Variants in AGPAT5 observed in about 807,000 individuals in gnomAD.
AGPAT5 encodes the protein 1-acyl-sn-glycerol-3-phosphate acyltransferase epsilon.
Under a neutral mutation model 45.6 loss-of-function variants are expected in AGPAT5, and 46 were observed. That is an observed-to-expected ratio of 1.01 (90% CI 0.80 to 1.29). The LOEUF (loss-of-function observed/expected upper bound fraction) is 1.29. AGPAT5 is among the 50% of genes most tolerant of loss of function. The probability of loss-of-function intolerance (pLI) is 0.00; values close to 1 mark genes in which losing one functional copy is unlikely to be tolerated. For synonymous variants in AGPAT5, 272 were observed against 167.0 expected, an observed-to-expected ratio of 1.63 and a Z score of -4.85; for missense variants, 673 against 450.7, an observed-to-expected ratio of 1.49 and a Z score of -4.47.
intron 1 of AGPAT5, among the ~76,000 whole-genome samples, chr8:6,714,560 A>G (rs1264811332): frequency 6.6e-6 from 1 of 152,230 alleles, no homozygotes; most frequent in Non-Finnish European, 1.5e-5. Context: ...TTTTAAAATC[A>G]CAGATGCAAT....
rs989891142 is a variant in AGPAT5, at chr8:6,760,688, A to AT, written c.*3306dup. On this transcript the variant is annotated 3_prime_UTR_variant, in exon 8 of 8. Coordinates refer to ENST00000285518, the MANE Select transcript of AGPAT5 (RefSeq NM_018361.5). ...TTGCATGGCTTGCTTTATAAACAAG[A>AT]TTTTTTCTCCCTCCTTTTGGGCCAG... Among the ~76,000 whole-genome samples, 6 of 152,102 alleles carry AT rather than the reference A, an allele frequency of 3.9e-5. No individual in the cohort carries two copies. Among genetic ancestry groups the AT allele is most frequent in the Admixed American group, 6.5e-5 (1 of 15,278 alleles).
At position 6,738,122 on chromosome 8, in the gene AGPAT5, T is replaced by C. The variant is rs150803421; in HGVS notation, c.496-3539T>C. 2.7e-3 allele frequency among the ~76,000 whole-genome samples: 408 copies of C among 152,374 alleles called. 2 individuals are homozygous for C. Among genetic ancestry groups the C allele is most frequent in the African/African-American group, 9.4e-3 (389 of 41,600 alleles). ...TAATTCTCTTTAAGAACTTTTCCTTTGCATCCGCAACTTGGCTGTTTAGTG... is the reference window on the plus strand; with the variant it reads ...TAATTCTCTTTAAGAACTTTTCCTTCGCATCCGCAACTTGGCTGTTTAGTG... On this transcript the variant is annotated intron_variant, in intron 4 of 7. Coordinates refer to ENST00000285518, the MANE Select transcript of AGPAT5 (RefSeq NM_018361.5).
At chr8:6,743,487 G>T (rs1314603946) in intron 5 of AGPAT5, among the ~76,000 whole-genome samples, 6 of 152,114 alleles carry the variant, frequency 3.9e-5, no homozygotes, top group African/African-American at 9.7e-5. Context: ...CCATCATTCA[G>T]TTTTTTTGCC....
Position 6,741,305 on chromosome 8 carries a change from G to A in AGPAT5, c.496-356G>A, listed in dbSNP as rs534536438. Among the ~76,000 whole-genome samples the A allele has an allele frequency of 6.6e-5, 10 of 152,106 alleles. No homozygotes were observed. The East Asian group carries it at 1.5e-3, about 23-fold the overall frequency. On this transcript the variant is annotated intron_variant, in intron 4 of 7. Coordinates refer to ENST00000285518, the MANE Select transcript of AGPAT5 (RefSeq NM_018361.5). ...TAAAATTTGTATTTCTAAAAATGAC[G>A]TATTACAGGATCTGAAAGGGCAAAA...
At chr8:6,737,151 A>T (rs1026292503) in intron 4 of AGPAT5, among the ~76,000 whole-genome samples, 1 of 152,188 alleles carries the variant, frequency 6.6e-6, no homozygotes, top group Non-Finnish European at 1.5e-5. Flanking sequence ...CGCAGTGTGG[A>T]TAACAGACTG....
At chr8:6,713,078 G>C (rs554383010) in intron 1 of AGPAT5, among the ~76,000 whole-genome samples, 45 of 152,150 alleles carry the variant, frequency 3.0e-4, no homozygotes, top group Non-Finnish European at 6.2e-4. Context: ...TTGCAGCCTT[G>C]AATGCCTGGG....
intron 3 of AGPAT5, among the ~76,000 whole-genome samples, chr8:6,731,109 G>A (rs1800847244): frequency 2.0e-5 from 3 of 152,152 alleles, no homozygotes; most frequent in Admixed American, 2.0e-4. Flanking sequence ...CAATCTGCCT[G>A]TCTCAGCCTA....
At chr8:6,726,528 T>C (rs1800692236) in intron 2 of AGPAT5, among the ~76,000 whole-genome samples, 1 of 152,236 alleles carries the variant, frequency 6.6e-6, no homozygotes, top group Admixed American at 6.5e-5. Flanking sequence ...GTGTTGCTGA[T>C]AGTGATAATA....
intron 1 of AGPAT5, among the ~76,000 whole-genome samples, chr8:6,716,463 A>G (rs1199598389): frequency 2.0e-5 from 3 of 152,020 alleles, no homozygotes; most frequent in African/African-American, 7.3e-5. Flanking sequence ...CAGGAGGCTG[A>G]GGTGGGAGAA....
At chr8:6,725,650 C>T (rs1410936605) in intron 2 of AGPAT5, among the ~76,000 whole-genome samples, 2 of 152,124 alleles carry the variant, frequency 1.3e-5, no homozygotes, top group Non-Finnish European at 2.9e-5. Flanking sequence ...TTTTAATTCT[C>T]CAAATAATTC....
chr8:6,721,180 G>A (rs546483658), intron 1 of AGPAT5, among the ~76,000 whole-genome samples: 2 of 152,194 alleles, frequency 1.3e-5, no homozygotes, highest in Non-Finnish European at 2.9e-5. Flanking sequence ...GGTAGAAAAA[G>A]ACTAGTTTTT....
rs115361345 is a variant in AGPAT5, at chr8:6,711,466, A to G, written c.219+2579A>G. ...TGAAACTCAAATGGGTACTTTCTTC[A>G]CCATTTATTTCTTTAGAATAAGTAA... On this transcript the variant is annotated intron_variant, in intron 1 of 7. Coordinates refer to ENST00000285518, the MANE Select transcript of AGPAT5 (RefSeq NM_018361.5). 2.6e-3 allele frequency among the ~76,000 whole-genome samples: 398 copies of G among 152,318 alleles called. 2 individuals are homozygous for G. Among genetic ancestry groups the G allele is most frequent in the African/African-American group, 9.3e-3 (388 of 41,570 alleles).
chr8:6,725,383 CCTT>C (rs1312288999), intron 2 of AGPAT5, among the ~76,000 whole-genome samples: 2 of 152,146 alleles, frequency 1.3e-5, no homozygotes, highest in African/African-American at 4.8e-5. Context: ...CTCTTCCTTT[CCTT>C]CTTCAAATGG....
In AGPAT5 at chr8:6,757,148, C is replaced by T; in HGVS notation, c.870-15C>T. The T allele has an allele frequency of 6.3e-7, 1 of 1,595,678 alleles. No individual in the cohort carries two copies. The highest frequency in any genetic ancestry group is 2.0e-4 in the Middle Eastern group (1 of 5,058). ...GAAGTGACTAAAATCTAAACTTTTT[C>T]CATTCTGGCCATAGGATGCTTATAG... On this transcript the variant is annotated splice_polypyrimidine_tract_variant and intron_variant, in intron 7 of 7. Transcript: ENST00000285518.
intron 2 of AGPAT5, among the ~76,000 whole-genome samples, chr8:6,728,141 G>GC (rs1261360236): frequency 2.6e-5 from 4 of 152,158 alleles, no homozygotes; most frequent in Non-Finnish European, 5.9e-5. Context: ...TAGACTTGCT[G>GC]CCCCTCACTG....
chr8:6,747,647 G>T (rs779471052), intron 5 of AGPAT5, 23 bp from the exon 6 acceptor site: 99 of 1,597,302 alleles, frequency 6.2e-5, no homozygotes, highest in Non-Finnish European at 8.3e-5. Context: ...ACTAATTAAT[G>T]ACGGCACTGA....
chr8:6,751,047 G>C (rs1188423467), intron 6 of AGPAT5, among the ~76,000 whole-genome samples: 1 of 149,656 alleles, frequency 6.7e-6, no homozygotes, highest in Non-Finnish European at 1.5e-5. Context: ...GTTTTTTTTT[G>C]TTTTCTGTCA....
chr8:6,709,800 A>T (rs1054971547), intron 1 of AGPAT5, among the ~76,000 whole-genome samples: 15 of 151,904 alleles, frequency 9.9e-5, no homozygotes, highest in Non-Finnish European at 2.1e-4. Context: ...TGCACTGCTG[A>T]TCGACCCTTG....
chr8:6,730,807 A>G lies in AGPAT5; in HGVS notation c.386A>G (p.Tyr129Cys). 6.2e-7 allele frequency: 1 copy of G among 1,611,362 alleles called. No homozygotes were observed. The highest frequency in any genetic ancestry group is 8.5e-7 in the Non-Finnish European group (1 of 1,178,296). The change falls in exon 3 of 8, where the codon TAT (tyrosine) becomes TGT (cysteine). Residue 129 changes from tyrosine to cysteine, a missense_variant. Transcript: ENST00000285518. ...GAAGGGTTAAAATGGCTGCCATTGT[A>G]TGGGTGTTACTTTGCTCAGGTAACT... is the stretch of plus-strand genomic sequence containing the variant. ...LKEGLKWLPL[Y>C]GCYFAQHGGI...
Sources: allele counts gnomAD v4.1 joint callset (sites outside exome capture counted in the v4.1 genomes callset), GRCh38; gene constraint gnomAD v4.1.1; transcripts MANE v1.5; gene names NCBI Gene and HGNC (gene_info 2026-07-23, HGNC 2026-07-21).